CDH19: variants seen among roughly 807,000 people sequenced by gnomAD.
The protein encoded by CDH19 is cadherin 19, also known as cadherin-19.
CDH19 carries 67 observed loss-of-function variants against 64.2 expected under a neutral mutation model. The ratio of observed to expected loss-of-function variants is 1.04; its 90% CI spans 0.86 to 1.28. The LOEUF (loss-of-function observed/expected upper bound fraction) is 1.28. Among genes scored for constraint, CDH19 ranks in the 50% most tolerant of loss-of-function variants. The pLI is 0.00. For missense variants in CDH19, 1,030 were observed against 929.0 expected, an observed-to-expected ratio of 1.11 and a Z score of -1.41; for synonymous variants, 346 against 319.3, an observed-to-expected ratio of 1.08 and a Z score of -0.89.
chr18:66,543,450 G>C (rs1986971930), intron 7 of CDH19, among the ~76,000 whole-genome samples: 1 of 152,044 alleles, frequency 6.6e-6, no homozygotes, highest in Non-Finnish European at 1.5e-5. Context: ...AATTTTAATT[G>C]GTAATTGCCT....
chr18:66,594,143 G>A (rs1408872566), intron 1 of CDH19, among the ~76,000 whole-genome samples: 3 of 151,982 alleles, frequency 2.0e-5, no homozygotes, highest in Non-Finnish European at 4.4e-5. Flanking sequence ...AGACAAAACA[G>A]ACAACTATCA....
At chr18:66,553,147 A>G (rs1987402386) in intron 4 of CDH19, among the ~76,000 whole-genome samples, 1 of 134,290 alleles carries the variant, frequency 7.4e-6, no homozygotes, top group Non-Finnish European at 1.5e-5. Context: ...GTGTATTACT[A>G]TTCATGTTTA....
intron 1 of CDH19, among the ~76,000 whole-genome samples, chr18:66,580,487 GA>G (rs1459786805): frequency 1.3e-5 from 2 of 152,050 alleles, no homozygotes; most frequent in African/African-American, 4.8e-5. Context: ...TCTAGGCAGA[GA>G]AAACTGACAA....
intron 7 of CDH19, among the ~76,000 whole-genome samples, chr18:66,540,769 C>T (rs1207642234): frequency 1.3e-5 from 2 of 152,062 alleles, no homozygotes; most frequent in Non-Finnish European, 2.9e-5. Context: ...ATGGGACCCA[C>T]CTTGTAATAC....
intron 7 of CDH19, among the ~76,000 whole-genome samples, chr18:66,538,982 A>T (rs574148070): frequency 6.6e-6 from 1 of 152,222 alleles, no homozygotes; most frequent in African/African-American, 2.4e-5. Context: ...ACAAGGCCAC[A>T]TTCGGGTGTA....
At chr18:66,527,600 T>A (rs1598982669) in intron 9 of CDH19, among the ~76,000 whole-genome samples, 1 of 151,912 alleles carries the variant, frequency 6.6e-6, no homozygotes, top group East Asian at 1.9e-4. Context: ...TACAAAAAAA[T>A]TTAGCCGGGT....
At chr18:66,505,336 C>A (rs1337409621) in intron 11 of CDH19, 34 bp from the exon 12 acceptor site, 2 of 1,476,930 alleles carry the variant, frequency 1.4e-6, no homozygotes, top group Non-Finnish European at 1.8e-6. Context: ...TATCAATAAA[C>A]AATAAAGAGT....
chr18:66,601,661 G>C (rs566316002), intron 1 of CDH19, among the ~76,000 whole-genome samples: 3 of 151,890 alleles, frequency 2.0e-5, no homozygotes, highest in Non-Finnish European at 2.9e-5. Flanking sequence ...ATGTATTCTA[G>C]AGTATGTTTT....
chr18:66,511,330 A>C, intron 10 of CDH19, among the ~76,000 whole-genome samples: 1 of 144,578 alleles, frequency 6.9e-6, no homozygotes, highest in East Asian at 1.9e-4. Flanking sequence ...AAGAGCTTAC[A>C]GCCATTGATA....
chr18:66,551,761 A>ATATATATAT lies in CDH19; in HGVS notation c.611-504_611-503insATATATATA, dbSNP rs1378471913. ...AGTTATTTTATGTGTGTGTGTATAC[A>ATATATATAT]CATATATAATATATTCAAACTCAAG... On this transcript the variant is annotated intron_variant, in intron 4 of 11. Coordinates refer to ENST00000262150, the MANE Select transcript of CDH19 (RefSeq NM_021153.4). 2.0e-5 allele frequency among the ~76,000 whole-genome samples: 3 copies of ATATATATAT among 152,158 alleles called. No homozygotes were observed. In the East Asian group the frequency reaches 5.8e-4, roughly 29 times the overall value.
intron 9 of CDH19, among the ~76,000 whole-genome samples, chr18:66,516,513 C>T (rs1458959783): frequency 6.6e-6 from 1 of 151,834 alleles, no homozygotes; most frequent in African/African-American, 2.4e-5. Flanking sequence ...CCAAAATTTG[C>T]CTAAGGGTAT....
chr18:66,523,744 C>T (rs1986094518), intron 9 of CDH19, among the ~76,000 whole-genome samples: 1 of 151,814 alleles, frequency 6.6e-6, no homozygotes, highest in African/African-American at 2.4e-5. Context: ...CACAAATCCC[C>T]ACACGTCCAG....
At chr18:66,531,316 T>C (rs769996424) in intron 8 of CDH19, among the ~76,000 whole-genome samples, 3 of 152,156 alleles carry the variant, frequency 2.0e-5, no homozygotes, top group Middle Eastern at 3.2e-3. Flanking sequence ...TGTGGATTTA[T>C]TAAAAATTTG....
chr18:66,534,913 C>T, intron 8 of CDH19, 73 bp downstream of exon 8: 1 of 1,002,344 alleles, frequency 1.0e-6, no homozygotes, highest in East Asian at 2.7e-5. Context: ...TAGCCTTGTC[C>T]CCATGTATAG....
intron 2 of CDH19, among the ~76,000 whole-genome samples, chr18:66,571,536 CCTTTTA>C (rs1988102927): frequency 6.6e-6 from 1 of 151,496 alleles, no homozygotes; most frequent in Non-Finnish European, 1.5e-5. Context: ...CATAATTATT[CCTTTTA>C]CTTTAACTTT....
rs544516437 is a variant in CDH19, at chr18:66,522,720, A to G, written c.1458+7125T>C. 1.1e-4 allele frequency among the ~76,000 whole-genome samples: 17 copies of G among 151,516 alleles called. 1 individual carries two copies. Among genetic ancestry groups the G allele is most frequent in the Admixed American group, 2.0e-4 (3 of 15,212 alleles). ...ATATGTTTCATATTAATTCGAACAC[A>G]TTTAAGCTTAAAGAGTTCTGTGCTA... On this transcript the variant is annotated intron_variant, in intron 9 of 11. Coordinates refer to ENST00000262150, the MANE Select transcript of CDH19 (RefSeq NM_021153.4).
chr18:66,592,865 A>C (rs574792493), intron 1 of CDH19, among the ~76,000 whole-genome samples: 10 of 152,030 alleles, frequency 6.6e-5, no homozygotes, highest in African/African-American at 2.4e-4. Flanking sequence ...ATTGGAATGC[A>C]GATATATTTT....
chr18:66,585,127 T>C (rs1207994401), intron 1 of CDH19, among the ~76,000 whole-genome samples: 1 of 152,080 alleles, frequency 6.6e-6, no homozygotes, highest in Non-Finnish European at 1.5e-5. Context: ...GCCACATAAT[T>C]TGGTGCCATA....
At chr18:66,562,003 A>T (rs1044889987) in intron 3 of CDH19, among the ~76,000 whole-genome samples, 1 of 152,118 alleles carries the variant, frequency 6.6e-6, no homozygotes, top group Non-Finnish European at 1.5e-5. Context: ...TCAACACAAT[A>T]TTTGACTTTG....
Sources: gnomAD v4.1 joint callset for allele counts (sites outside exome capture counted in the v4.1 genomes callset) on GRCh38, gnomAD v4.1.1 for gene constraint, MANE v1.5 for transcripts, NCBI Gene and HGNC (gene_info 2026-07-23, HGNC 2026-07-21) for gene names.